Variants in SPMAP2L observed in about 807,000 individuals in gnomAD.
SPMAP2L encodes the protein sperm microtubule associated protein 2 like.
chr4:56,602,843 A>G, the SPMAP2L span, among the ~76,000 whole-genome samples: 3 of 152,250 alleles, frequency 2.0e-5, no homozygotes, highest in Admixed American at 2.0e-4. Context: ...TAAGTCTACC[A>G]GAGAATACTC....
the SPMAP2L span, among the ~76,000 whole-genome samples, chr4:56,624,480 AGGGACCT>A: frequency 6.6e-6 from 1 of 152,208 alleles, no homozygotes; most frequent in Non-Finnish European, 1.5e-5. Flanking sequence ...AGGCCATTTC[AGGGACCT>A]TCATGGCAGC....
the SPMAP2L span, among the ~76,000 whole-genome samples, chr4:56,600,776 A>C: frequency 6.6e-6 from 1 of 152,252 alleles, no homozygotes; most frequent in Non-Finnish European, 1.5e-5. Context: ...GGAAGGCTGC[A>C]TTGTACAGGA....
At chr4:56,548,025 A>G in the SPMAP2L span, among the ~76,000 whole-genome samples, 2 of 152,220 alleles carry the variant, frequency 1.3e-5, no homozygotes, top group Non-Finnish European at 2.9e-5. Context: ...GAATTGGACT[A>G]AGACATGTAA....
chr4:56,586,660 T>C, the SPMAP2L span, among the ~76,000 whole-genome samples: 1 of 152,334 alleles, frequency 6.6e-6, no homozygotes. Flanking sequence ...CCATGTGGCT[T>C]AGACCTTTCT....
At chr4:56,563,127 C>A in the SPMAP2L span, among the ~76,000 whole-genome samples, 1 of 137,652 alleles carries the variant, frequency 7.3e-6, no homozygotes, top group Non-Finnish European at 1.5e-5. Flanking sequence ...GGGCCTCACT[C>A]TGTCACCCAG....
chr4:56,566,698 T>TTTC, the SPMAP2L span, among the ~76,000 whole-genome samples: 1 of 65,214 alleles, frequency 1.5e-5, no homozygotes, highest in African/African-American at 1.5e-4. Flanking sequence ...TCTTTTTCTT[T>TTTC]TTTTTTTTTT....
the SPMAP2L span, among the ~76,000 whole-genome samples, chr4:56,539,901 C>T: frequency 2.6e-5 from 4 of 152,198 alleles, no homozygotes; most frequent in African/African-American, 9.6e-5. Context: ...AAGTTATTTA[C>T]TTGCTTGTTG....
the SPMAP2L span, chr4:56,530,648 C>G: frequency 6.6e-7 from 1 of 1,525,244 alleles, no homozygotes; most frequent in South Asian, 1.2e-5. Flanking sequence ...GAGGGTGAGT[C>G]CCGCGCGCGA....
chr4:56,620,803 A>G, the SPMAP2L span, among the ~76,000 whole-genome samples: 1 of 152,364 alleles, frequency 6.6e-6, no homozygotes, highest in African/African-American at 2.4e-5. Flanking sequence ...AGCATGATAT[A>G]AAAATTTTAA....
the SPMAP2L span, among the ~76,000 whole-genome samples, chr4:56,564,302 C>A: frequency 6.6e-6 from 1 of 151,930 alleles, no homozygotes; most frequent in African/African-American, 2.4e-5. Flanking sequence ...CCATGCCTAG[C>A]TAATTCTTTG....
chr4:56,564,484 G>T, the SPMAP2L span, among the ~76,000 whole-genome samples: 8 of 152,038 alleles, frequency 5.3e-5, no homozygotes, highest in Non-Finnish European at 1.0e-4. Flanking sequence ...GAGTAAAGTT[G>T]TTCATATATT....
At chr4:56,574,240 C>T in the SPMAP2L span, among the ~76,000 whole-genome samples, 3 of 151,890 alleles carry the variant, frequency 2.0e-5, no homozygotes, top group African/African-American at 2.4e-5. Flanking sequence ...GATAATATAG[C>T]GAGCCCCCAT....
the SPMAP2L span, among the ~76,000 whole-genome samples, chr4:56,534,352 C>G: frequency 6.6e-6 from 1 of 152,204 alleles, no homozygotes; most frequent in Admixed American, 6.5e-5. Flanking sequence ...TGGGATGCCT[C>G]TACCTCTGTT....
the SPMAP2L span, among the ~76,000 whole-genome samples, chr4:56,609,583 T>G: frequency 6.6e-6 from 1 of 152,190 alleles, no homozygotes. Flanking sequence ...CAAAATGCTG[T>G]AATTTGAATG....
the SPMAP2L span, among the ~76,000 whole-genome samples, chr4:56,577,300 G>A: frequency 6.6e-6 from 1 of 152,086 alleles, no homozygotes; most frequent in Non-Finnish European, 1.5e-5. Context: ...AGCTACTCAG[G>A]TGGCAGAGGC....
At chr4:56,530,940 C>T in the SPMAP2L span, 2 of 1,535,146 alleles carry the variant, frequency 1.3e-6, no homozygotes, top group Admixed American at 2.0e-5. Flanking sequence ...CCCACGCTCC[C>T]TATGCGCCCC....
the SPMAP2L span, among the ~76,000 whole-genome samples, chr4:56,613,188 G>T: frequency 1.3e-5 from 2 of 152,146 alleles, no homozygotes; most frequent in Non-Finnish European, 2.9e-5. Flanking sequence ...AGGGGAGGGA[G>T]CCTGAAGACA....
the SPMAP2L span, among the ~76,000 whole-genome samples, chr4:56,533,965 A>G: frequency 6.6e-6 from 1 of 151,982 alleles, no homozygotes; most frequent in Non-Finnish European, 1.5e-5. Flanking sequence ...AACAAAAACA[A>G]AAACTAAAAC....
At chr4:56,602,205 A>C in the SPMAP2L span, among the ~76,000 whole-genome samples, 9 of 152,212 alleles carry the variant, frequency 5.9e-5, no homozygotes, top group African/African-American at 1.9e-4. Context: ...ACCTTGACGG[A>C]TAACATCTGA....
Sources: gnomAD v4.1 joint callset for allele counts (sites outside exome capture counted in the v4.1 genomes callset) on GRCh38, gnomAD v4.1.1 for gene constraint, MANE v1.5 for transcripts, NCBI Gene and HGNC (gene_info 2026-07-23, HGNC 2026-07-21) for gene names.